Variants in TMLHE observed in about 807,000 individuals in gnomAD.
TMLHE encodes trimethyllysine dioxygenase, mitochondrial.
TMLHE carries 18 observed loss-of-function variants against 25.7 expected under a neutral mutation model. The ratio of observed to expected loss-of-function variants is 0.70; its 90% CI spans 0.48 to 1.04. The LOEUF (loss-of-function observed/expected upper bound fraction) is 1.04. Among genes scored for constraint, TMLHE ranks in the 50% least tolerant of loss-of-function variants. The probability of loss-of-function intolerance (pLI) is 0.00; values close to 1 mark genes in which losing one functional copy is unlikely to be tolerated. For missense variants in TMLHE, 236 were observed against 259.0 expected (o/e 0.91, Z 0.61); for synonymous variants, 105 against 97.0 (o/e 1.08, Z -0.49).
At chrX:155,525,267 A>G (rs1465386998) in intron 2 of TMLHE, among the ~76,000 whole-genome samples, 3 of 110,750 alleles carry the variant, frequency 2.7e-5, no homozygotes, top group African/African-American at 6.6e-5. Context: ...CTCTCACGAG[A>G]TCTGGTTGCT....
intron 5 of TMLHE, 115 bp downstream of exon 5, chrX:155,511,558 A>G: frequency 1.3e-6 from 1 of 745,318 alleles, no homozygotes; most frequent in Non-Finnish European, 1.8e-6. Context: ...AGAAAGTCAT[A>G]CAAATCTGCA....
intron 1 of TMLHE, among the ~76,000 whole-genome samples, chrX:155,604,955 ACACAGGAGAAAGAACCAG>A (rs2067778500): frequency 8.9e-6 from 1 of 111,977 alleles, no homozygotes; most frequent in Non-Finnish European, 1.9e-5. Flanking sequence ...ATTAGCCCAC[ACACAGGAGAAAGAACCAG>A]CACAAGAACT....
chrX:155,535,992 T>C (rs1380041983), intron 2 of TMLHE, among the ~76,000 whole-genome samples: 2 of 111,907 alleles, frequency 1.8e-5, no homozygotes, highest in African/African-American at 6.5e-5. Context: ...TTGCTCTAAC[T>C]GAAACATTCT....
At chrX:155,591,831 C>A (rs2067695380) in intron 1 of TMLHE, among the ~76,000 whole-genome samples, 1 of 111,815 alleles carries the variant, frequency 8.9e-6, no homozygotes, top group South Asian at 3.7e-4. Flanking sequence ...TTTGATCCAG[C>A]AATCTCACTT....
At chrX:155,590,636 T>TA (rs782718737) in intron 1 of TMLHE, among the ~76,000 whole-genome samples, 1 of 111,220 alleles carries the variant, frequency 9.0e-6, no homozygotes. Context: ...TAAACTGTGG[T>TA]AAAATAAGAT....
intron 1 of TMLHE, among the ~76,000 whole-genome samples, chrX:155,577,850 G>C (rs368709575): frequency 9.0e-6 from 1 of 111,493 alleles, no homozygotes; most frequent in Non-Finnish European, 1.9e-5. Context: ...ACACTCTGAG[G>C]ACGAATCCCA....
At chrX:155,596,841 G>A (rs1176129274) in intron 1 of TMLHE, among the ~76,000 whole-genome samples, 1 of 110,743 alleles carries the variant, frequency 9.0e-6, no homozygotes, top group South Asian at 3.8e-4. Flanking sequence ...CTAAGTATAC[G>A]AACTCATTGA....
intron 1 of TMLHE, among the ~76,000 whole-genome samples, chrX:155,607,985 C>G (rs1391541771): frequency 9.0e-6 from 1 of 111,713 alleles, no homozygotes; most frequent in Non-Finnish European, 1.9e-5. Flanking sequence ...CCATACTGCT[C>G]AAAGCATTTT....
At chrX:155,527,120 T>C (rs186178700) in intron 2 of TMLHE, among the ~76,000 whole-genome samples, 1 of 110,468 alleles carries the variant, frequency 9.1e-6, no homozygotes, top group East Asian at 2.9e-4. Flanking sequence ...GGGCTAGGAG[T>C]GGAATGATGG....
At chrX:155,581,510 A>G (rs1358210848) in intron 1 of TMLHE, among the ~76,000 whole-genome samples, 2 of 111,184 alleles carry the variant, frequency 1.8e-5, no homozygotes, top group African/African-American at 6.5e-5. Flanking sequence ...AAAATCACAA[A>G]CATTCCTATA....
intron 1 of TMLHE, among the ~76,000 whole-genome samples, chrX:155,560,463 TTA>T (rs1469205388): frequency 2.8e-5 from 3 of 107,286 alleles, no homozygotes; most frequent in African/African-American, 9.9e-5. Flanking sequence ...ACATAATAAG[TTA>T]TATATAGTAA....
chrX:155,552,900 T>C (rs1304829848), intron 1 of TMLHE, among the ~76,000 whole-genome samples: 1 of 108,671 alleles, frequency 9.2e-6, no homozygotes, highest in Non-Finnish European at 1.9e-5. Flanking sequence ...CTTTAAATTT[T>C]AAGATGCTAT....
chrX:155,548,525 G>GGA lies in TMLHE; in HGVS notation c.-1-3249_-1-3248insTC, dbSNP rs2067376501. Among the ~76,000 whole-genome samples, 3 of 108,058 alleles carry GGA rather than the reference G, an allele frequency of 2.8e-5. 1 individual carries two copies. The highest frequency in any genetic ancestry group is 5.7e-5 in the Non-Finnish European group (3 of 52,602). 93.8% of individuals were successfully genotyped at this position (108,058 alleles called of 115,157 possible). A position where few individuals can be genotyped will look rare whatever the true frequency, so the allele number is the denominator to read the frequency against. Reference sequence around the variant, plus strand: ...TCAAGGCGGGCGGATCACAAGGTCAGCAGTATGAGGCCAGCCTGACTAACA... The same window carrying GGA: ...TCAAGGCGGGCGGATCACAAGGTCAGGACAGTATGAGGCCAGCCTGACTAACA... On this transcript the variant is annotated intron_variant, in intron 1 of 7. Transcript: ENST00000334398.
intron 4 of TMLHE, among the ~76,000 whole-genome samples, chrX:155,512,427 T>G (rs1297646459): frequency 2.8e-5 from 3 of 108,010 alleles, no homozygotes; most frequent in Admixed American, 1.0e-4. Context: ...TGTTTGGTTT[T>G]TTGTCCTTGC....
In TMLHE at chrX:155,567,020, A is replaced by T. The variant is rs2067513379; in HGVS notation, c.-1-21743T>A. 4.8e-5 allele frequency among the ~76,000 whole-genome samples: 3 copies of T among 62,400 alleles called. 1 individual carries two copies. The highest frequency in any genetic ancestry group is 1.1e-4 in the African/African-American group (3 of 28,119). 54.2% of individuals were successfully genotyped at this position (62,400 alleles called of 115,157 possible). A position where few individuals can be genotyped will look rare whatever the true frequency, so the allele number is the denominator to read the frequency against. On this transcript the variant is annotated intron_variant, in intron 1 of 7. Transcript: ENST00000334398. Reference sequence around the variant, plus strand: ...GCTTTGATTCTCTAGCTAAGCTGCAAATCCCATGAGTTTGGAGAGTAAATT... The same window carrying T: ...GCTTTGATTCTCTAGCTAAGCTGCATATCCCATGAGTTTGGAGAGTAAATT...
rs1250591265 is a variant in TMLHE at position 155,583,263 on chromosome X, T to C, written c.-2+29529A>G. On this transcript the variant is annotated intron_variant, in intron 1 of 7. Transcript: ENST00000334398. ...GCGCAGCACACCAACATGGCACATG[T>C]ATACATATGTAACAAACATGCACGT... Among the ~76,000 whole-genome samples the C allele has an allele frequency of 4.8e-4, 53 of 111,275 alleles. 1 individual carries two copies. The Admixed American group carries it at 5.1e-3, about 11-fold the overall frequency.
intron 1 of TMLHE, among the ~76,000 whole-genome samples, chrX:155,574,607 C>G (rs1336330551): frequency 9.0e-6 from 1 of 111,678 alleles, no homozygotes; most frequent in Non-Finnish European, 1.9e-5. Flanking sequence ...CAGCAGTCAA[C>G]AAAAACCATT....
intron 1 of TMLHE, among the ~76,000 whole-genome samples, chrX:155,548,312 T>C (rs782778635): frequency 7.3e-4 from 82 of 111,968 alleles, no homozygotes; most frequent in Non-Finnish European, 1.1e-3. Flanking sequence ...AGGGACAACC[T>C]GGAGAATGGG....
chrX:155,540,613 A>G lies in TMLHE; in HGVS notation c.181+4483T>C, dbSNP rs192581861. Among the ~76,000 whole-genome samples, 4 of 111,626 alleles carry G rather than the reference A, an allele frequency of 3.6e-5. No homozygotes were observed. In the Admixed American group the frequency reaches 3.8e-4, roughly 11 times the overall value. On this transcript the variant is annotated intron_variant, in intron 2 of 7. Transcript: ENST00000334398. ...ATATGAAAATATAAACCTTCTGATAAAGGTTTATTGTGTAGAATTGTAATA... is the reference window on the plus strand; with the variant it reads ...ATATGAAAATATAAACCTTCTGATAGAGGTTTATTGTGTAGAATTGTAATA...
Sources: gnomAD v4.1 joint callset for allele counts (sites outside exome capture counted in the v4.1 genomes callset) on GRCh38, gnomAD v4.1.1 for gene constraint, MANE v1.5 for transcripts, NCBI Gene and HGNC (gene_info 2026-07-23, HGNC 2026-07-21) for gene names.